RASEF: variants seen among roughly 807,000 people sequenced by gnomAD.
RASEF encodes ras and EF-hand domain-containing protein.
A neutral mutation model predicts 90.1 loss-of-function variants in RASEF; 68 were observed. That is an observed-to-expected ratio of 0.75 (90% confidence interval 0.62 to 0.92). The LOEUF is 0.92. Ranked by LOEUF, RASEF falls within the 40% of genes least tolerant of loss-of-function variation. The pLI is 0.00. For missense variants in RASEF, 949 were observed against 937.2 expected (o/e 1.01, Z -0.16); for synonymous variants, 331 against 345.2 (o/e 0.96, Z 0.46).
chr9:83,043,454 C>A (rs1829876268), intron 1 of RASEF, among the ~76,000 whole-genome samples: 1 of 152,242 alleles, frequency 6.6e-6, no homozygotes, highest in East Asian at 1.9e-4. Context: ...TCTTCACCTG[C>A]ATTCTGATTT....
chr9:83,079,871 C>T, the RASEF span, among the ~76,000 whole-genome samples: 1 of 151,264 alleles, frequency 6.6e-6, no homozygotes, highest in Non-Finnish European at 1.5e-5. Flanking sequence ...GGACAAATAG[C>T]TAAACTATGT....
chr9:83,110,540 T>A, the RASEF span, among the ~76,000 whole-genome samples: 1 of 152,144 alleles, frequency 6.6e-6, no homozygotes, highest in African/African-American at 2.4e-5. Flanking sequence ...TGGGGACTTG[T>A]TTCAAACTTT....
At chr9:83,068,878 G>C in the RASEF span, among the ~76,000 whole-genome samples, 1 of 152,216 alleles carries the variant, frequency 6.6e-6, no homozygotes, top group South Asian at 2.1e-4. Flanking sequence ...TGCAGAACAT[G>C]ACAGGTTGTT....
At chr9:83,030,342 G>A (rs1230546478) in intron 1 of RASEF, among the ~76,000 whole-genome samples, 1 of 151,052 alleles carries the variant, frequency 6.6e-6, no homozygotes, top group Non-Finnish European at 1.5e-5. Flanking sequence ...GGGTGACAGA[G>A]TGAGACTCCG....
At chr9:83,029,042 G>A (rs992299228) in intron 1 of RASEF, among the ~76,000 whole-genome samples, 6 of 152,146 alleles carry the variant, frequency 3.9e-5, no homozygotes, top group African/African-American at 1.4e-4. Flanking sequence ...AGAACTGTGA[G>A]AAAATAAACT....
intron 5 of RASEF, among the ~76,000 whole-genome samples, chr9:83,011,806 G>A (rs916995015): frequency 1.6e-4 from 25 of 152,042 alleles, no homozygotes; most frequent in Non-Finnish European, 1.3e-4. Flanking sequence ...GAAAAATCTG[G>A]AACTAGGAAT....
chr9:83,201,642 A>C, the RASEF span, among the ~76,000 whole-genome samples: 6 of 152,336 alleles, frequency 3.9e-5, no homozygotes, highest in East Asian at 1.2e-3. Flanking sequence ...TCCTCACTAC[A>C]AATTAGTTAC....
At chr9:83,088,877 G>A in the RASEF span, among the ~76,000 whole-genome samples, 1 of 151,924 alleles carries the variant, frequency 6.6e-6, no homozygotes, top group East Asian at 1.9e-4. Flanking sequence ...TTATGCCAAT[G>A]TCAGCCTTTT....
the RASEF span, among the ~76,000 whole-genome samples, chr9:83,080,430 G>T: frequency 0.023 from 3,546 of 152,318 alleles, 57 homozygotes; most frequent in Non-Finnish European, 0.038. Context: ...CACCCCAGGT[G>T]ATAGAGCCAG....
the RASEF span, among the ~76,000 whole-genome samples, chr9:83,208,105 G>A: frequency 6.6e-6 from 1 of 152,146 alleles, no homozygotes; most frequent in Non-Finnish European, 1.5e-5. Context: ...CTGTCGCAGG[G>A]GGCTGTACGT....
chr9:83,163,489 T>C, the RASEF span, among the ~76,000 whole-genome samples: 2 of 152,258 alleles, frequency 1.3e-5, no homozygotes, highest in Non-Finnish European at 2.9e-5. Flanking sequence ...GTAGACAGCA[T>C]GCAAGAACCA....
the RASEF span, among the ~76,000 whole-genome samples, chr9:83,144,515 G>C: frequency 6.6e-6 from 1 of 151,532 alleles, no homozygotes; most frequent in Admixed American, 6.6e-5. Context: ...GAGGAACAAG[G>C]GGAAGATTTC....
At chr9:83,123,582 G>T in the RASEF span, among the ~76,000 whole-genome samples, 4 of 135,468 alleles carry the variant, frequency 3.0e-5, no homozygotes, top group Non-Finnish European at 6.4e-5. Flanking sequence ...AGAATCATTC[G>T]CAAGGAGCCC....
the RASEF span, among the ~76,000 whole-genome samples, chr9:83,195,377 G>T: frequency 6.6e-6 from 1 of 152,158 alleles, no homozygotes; most frequent in Admixed American, 6.5e-5. Context: ...AGTCCAAAGG[G>T]TCTGGGGTAT....
At position 83,062,923 on chromosome 9, in the gene RASEF, TC is replaced by T; in HGVS notation, c.-57del. 10 of 1,371,882 alleles carry T rather than the reference TC, an allele frequency of 7.3e-6. No homozygotes were observed. The highest frequency in any genetic ancestry group is 1.7e-5 in the South Asian group (1 of 58,382). 85.0% of individuals were successfully genotyped at this position (1,371,882 alleles called of 1,614,324 possible). A position where few individuals can be genotyped will look rare whatever the true frequency, so the allele number is the denominator to read the frequency against. On this transcript the variant is annotated 5_prime_UTR_variant, in exon 1 of 17. Transcript: ENST00000376447. Reference sequence around the variant, plus strand: ...CGGAGCGCCGCGGGGCGCAGGGCCCTCCCTGGAAGGACGGGGCCACCTGCTG... The same window carrying T: ...CGGAGCGCCGCGGGGCGCAGGGCCCTCCTGGAAGGACGGGGCCACCTGCTG...
At position 83,062,433 on chromosome 9, in the gene RASEF, G is replaced by A. The variant is rs1459085965; in HGVS notation, c.431+4C>T. Reference sequence around the variant, plus strand: ...AACCTCCCGCCCCCAGCTCACACTCGCACCTGGGAATGAACTTGGCTTCGT... The same window carrying A: ...AACCTCCCGCCCCCAGCTCACACTCACACCTGGGAATGAACTTGGCTTCGT... On this transcript the variant is annotated splice_donor_region_variant and intron_variant, in intron 1 of 16. Transcript: ENST00000376447. The A allele has an allele frequency of 6.2e-7, 1 of 1,612,490 alleles. No homozygotes were observed. The highest frequency in any genetic ancestry group is 8.5e-7 in the Non-Finnish European group (1 of 1,179,340).
chr9:83,042,794 A>G, intron 1 of RASEF, among the ~76,000 whole-genome samples: 1 of 152,188 alleles, frequency 6.6e-6, no homozygotes, highest in East Asian at 1.9e-4. Context: ...AATAATCTAC[A>G]TTCAAACAGT....
chr9:83,097,824 A>G, the RASEF span, among the ~76,000 whole-genome samples: 1 of 152,206 alleles, frequency 6.6e-6, no homozygotes, highest in Non-Finnish European at 1.5e-5. Context: ...ATGAATTAGC[A>G]TCGTCATCAT....
At chr9:83,192,011 T>A in the RASEF span, among the ~76,000 whole-genome samples, 1 of 152,100 alleles carries the variant, frequency 6.6e-6, no homozygotes, top group Non-Finnish European at 1.5e-5. Context: ...TGAGATACCA[T>A]CTCACACCAG....
Sources: allele counts gnomAD v4.1 joint callset (sites outside exome capture counted in the v4.1 genomes callset), GRCh38; gene constraint gnomAD v4.1.1; transcripts MANE v1.5; gene names NCBI Gene and HGNC (gene_info 2026-07-23, HGNC 2026-07-21).